Variants in CSF1 observed in about 807,000 individuals in gnomAD.
CSF1 encodes colony stimulating factor 1.
CSF1 carries 9 observed loss-of-function variants against 48.9 expected under a neutral mutation model. That is an observed-to-expected ratio of 0.18 (90% confidence interval 0.11 to 0.32). CSF1 has a LOEUF of 0.32. Ranked by LOEUF, CSF1 falls within the 10% of genes least tolerant of loss-of-function variation. The probability of loss-of-function intolerance (pLI) is 1.00; values close to 1 mark genes in which losing one functional copy is unlikely to be tolerated. For missense variants in CSF1, 672 were observed against 697.9 expected (o/e 0.96, Z 0.42); for synonymous variants, 305 against 284.1 (o/e 1.07, Z -0.74).
intron 5 of CSF1, among the ~76,000 whole-genome samples, chr1:109,922,929 G>A (rs1647630009): frequency 6.6e-6 from 1 of 152,136 alleles, no homozygotes; most frequent in East Asian, 1.9e-4. Context: ...CCCCCAGTGT[G>A]TGCATCTCAA....
chr1:109,914,047 G>A (rs1654793503), intron 1 of CSF1, among the ~76,000 whole-genome samples: 1 of 152,228 alleles, frequency 6.6e-6, no homozygotes, highest in Non-Finnish European at 1.5e-5. Context: ...TGTAGAAGGT[G>A]ACATCTGGGT....
intron 4 of CSF1, 59 bp from the exon 5 acceptor site, chr1:109,921,788 A>G: frequency 6.8e-7 from 1 of 1,471,300 alleles, no homozygotes; most frequent in Non-Finnish European, 9.0e-7. Flanking sequence ...TTGACAAATA[A>G]GATGGAGACA....
rs1654649821 is a variant in CSF1, at chr1:109,910,930, C to T, written c.-94C>T. 4 of 909,154 alleles carry T rather than the reference C, an allele frequency of 4.4e-6. No homozygotes were observed. The highest frequency in any genetic ancestry group is 4.5e-5 in the South Asian group (1 of 22,176). The allele number at this position is 909,154 out of a possible 1,614,324, so 56.3% of individuals were successfully genotyped here. A position where few individuals can be genotyped will look rare whatever the true frequency, so the allele number is the denominator to read the frequency against. On this transcript the variant is annotated 5_prime_UTR_variant, in exon 1 of 9. Coordinates refer to ENST00000329608, the MANE Select transcript of CSF1 (RefSeq NM_000757.6). ...CTCTCCGCATCCCAGGACAGCGGTG[C>T]GGCCCTCGGCCGGGGCGCCCACTCC...
At chr1:109,918,695 G>A (rs1485008795) in intron 4 of CSF1, among the ~76,000 whole-genome samples, 1 of 152,160 alleles carries the variant, frequency 6.6e-6, no homozygotes, top group Non-Finnish European at 1.5e-5. Context: ...TGATCCATGG[G>A]CAGAGCAGGT....
At chr1:109,925,068 C>CT (rs1647779280) in intron 7 of CSF1, 79 bp from the exon 8 acceptor site, 1 of 1,325,386 alleles carries the variant, frequency 7.5e-7, no homozygotes, top group Non-Finnish European at 1.1e-6. Context: ...ATGTCTGGGG[C>CT]TTAGGGGTAA....
intron 1 of CSF1, 110 bp downstream of exon 1, chr1:109,911,172 C>A: frequency 1.4e-6 from 1 of 691,804 alleles, no homozygotes; most frequent in Non-Finnish European, 1.8e-6. Flanking sequence ...GCCGGCTGCA[C>A]TGGCCCGGCG....
intron 4 of CSF1, among the ~76,000 whole-genome samples, chr1:109,917,814 A>C (rs1338459980): frequency 6.6e-6 from 1 of 152,252 alleles, no homozygotes; most frequent in Non-Finnish European, 1.5e-5. Flanking sequence ...GTTGTGTACC[A>C]GACACTGTTC....
intron 1 of CSF1, among the ~76,000 whole-genome samples, chr1:109,912,117 A>G (rs1654714904): frequency 1.3e-5 from 2 of 152,024 alleles, no homozygotes; most frequent in South Asian, 4.2e-4. Flanking sequence ...GAGAGAGGAG[A>G]TAGAGTTGAG....
chr1:109,917,352 C>T lies in CSF1; in HGVS notation c.285C>T (p.Asp95=), dbSNP rs1174417879. The T allele has an allele frequency of 7.4e-6, 12 of 1,614,208 alleles. No individual in the cohort carries two copies. The highest frequency in any genetic ancestry group is 9.3e-6 in the Non-Finnish European group (11 of 1,180,034). Residue 95 remains aspartate (D), a synonymous_variant, in exon 4 of 9, where the codon GAC becomes GAT. Coordinates refer to ENST00000329608, the MANE Select transcript of CSF1 (RefSeq NM_000757.6). ...AFLLVQDIME[D]TMRFRDNTPN... is the part of the protein sequence containing the mutation. ...TCCTGGTACAAGACATAATGGAGGA[C>T]ACCATGCGCTTCAGAGATAACACCC... is the stretch of plus-strand genomic sequence containing the variant.
upstream of CSF1, chr1:109,910,519 G>C: frequency 7.5e-6 from 3 of 397,650 alleles, no homozygotes; most frequent in Non-Finnish European, 1.6e-5. Flanking sequence ...TCAGCCTGGA[G>C]AGCGCGGAAG....
chr1:109,928,673 G>A (rs1448376009), intron 8 of CSF1, among the ~76,000 whole-genome samples, 179 bp from the exon 9 acceptor site: 1 of 152,104 alleles, frequency 6.6e-6, no homozygotes, highest in Admixed American at 6.5e-5. Context: ...CTGGGCTGGT[G>A]CCAGAGAAAG....
Position 109,910,892 on chromosome 1 carries a change from G to A in CSF1, c.-132G>A. On this transcript the variant is annotated 5_prime_UTR_variant, in exon 1 of 9. Coordinates refer to ENST00000329608, the MANE Select transcript of CSF1 (RefSeq NM_000757.6). Reference sequence around the variant, plus strand: ...AGTGAAAGTTTGCCTGGGTCCTCTCGGCGCCAGAGCCGCTCTCCGCATCCC... The same window carrying A: ...AGTGAAAGTTTGCCTGGGTCCTCTCAGCGCCAGAGCCGCTCTCCGCATCCC... 1.7e-6 allele frequency: 1 copy of A among 588,506 alleles called. No homozygotes were observed. The highest frequency in any genetic ancestry group is 6.4e-5 in the South Asian group (1 of 15,744). 36.5% of individuals were successfully genotyped at this position (588,506 alleles called of 1,614,324 possible). A position where few individuals can be genotyped will look rare whatever the true frequency, so the allele number is the denominator to read the frequency against.
At position 109,923,724 on chromosome 1, in the gene CSF1, C is replaced by G. The variant is rs1252820817; in HGVS notation, c.1103C>G (p.Pro368Arg). 1 of 1,612,242 alleles carries G rather than the reference C, an allele frequency of 6.2e-7. No homozygotes were observed. The highest frequency in any genetic ancestry group is 8.5e-7 in the Non-Finnish European group (1 of 1,178,990). Residue 368 changes from proline (P) to arginine (R), a missense_variant, in exon 6 of 9, where the codon CCC becomes CGC. By Grantham distance (103) the Pro-to-Arg change is moderately radical (BLOSUM62 -2). Transcript: ENST00000329608. ...GCAGATGTAACTGGTACCGCCTTGC[C>G]CAGGGTGGGCCCCGTGAGGCCCACT... ...QPADVTGTALPRVGPVRPTGQ... is the reference protein window; with the variant it reads ...QPADVTGTALRRVGPVRPTGQ...
At chr1:109,915,293 G>A (rs1327461219) in intron 2 of CSF1, among the ~76,000 whole-genome samples, 1 of 152,192 alleles carries the variant, frequency 6.6e-6, no homozygotes, top group Admixed American at 6.5e-5. Context: ...TCCAGCCTCT[G>A]CTTGAATTCC....
rs1647637050 is a variant in CSF1 at position 109,923,073 on chromosome 1, C to T, written c.545-93C>T. 5 of 1,277,610 alleles carry T rather than the reference C, an allele frequency of 3.9e-6. No individual in the cohort carries two copies. In the East Asian group the frequency reaches 9.7e-5, roughly 25 times the overall value. The allele number at this position is 1,277,610 out of a possible 1,614,324, so 79.1% of individuals were successfully genotyped here. ...ATGAGGGCCCCCCAGACTCACATTC[C>T]CCTCTTGCCCCGCTCTGGGAAAGCT... On this transcript the variant is annotated intron_variant, in intron 5 of 8. Transcript: ENST00000329608.
Position 109,923,418 on chromosome 1 carries a change from C to A in CSF1, c.797C>A (p.Thr266Asn), listed in dbSNP as rs1647660900. The change falls in exon 6 of 9, where the codon ACC becomes AAC. Residue 266 changes from threonine (T) to asparagine (N), a missense_variant. Physicochemically the swap from Thr to Asn is moderately conservative, Grantham distance 65 (BLOSUM62 0). Around this residue, in one of 3 missense-constraint regions of CSF1, gnomAD observed 591 missense variants for 593.6 expected, o/e 1.00. Transcript: ENST00000329608. ...TGCCAGAGCTTTGAGCCGCCAGAGA[C>A]CCCAGTTGTCAAGGACAGCACCATC... ...STCQSFEPPE[T>N]PVVKDSTIGG... is the part of the protein sequence containing the mutation. 6.2e-7 allele frequency: 1 copy of A among 1,613,952 alleles called. No homozygotes were observed.
intron 1 of CSF1, among the ~76,000 whole-genome samples, chr1:109,911,632 G>A (rs1654689723): frequency 2.0e-5 from 3 of 152,124 alleles, no homozygotes; most frequent in Admixed American, 2.0e-4. Flanking sequence ...GACTTGGGTG[G>A]CTGTTTGGGG....
intron 4 of CSF1, among the ~76,000 whole-genome samples, chr1:109,918,592 C>A (rs967692425): frequency 6.6e-6 from 1 of 152,012 alleles, no homozygotes. Flanking sequence ...AGACTTGGTA[C>A]GTGCAGTGGA....
At chr1:109,923,104 G>T in intron 5 of CSF1, 62 bp from the exon 6 acceptor site, 1 of 1,453,632 alleles carries the variant, frequency 6.9e-7, no homozygotes. Context: ...AAGCTGTGCT[G>T]GAGGCTAGTG....
Sources: gnomAD v4.1 joint callset for allele counts (sites outside exome capture counted in the v4.1 genomes callset) on GRCh38, gnomAD v4.1.1 for gene constraint, gnomAD v4.1.1 regional missense constraint, MANE v1.5 for transcripts, NCBI Gene and HGNC (gene_info 2026-07-23, HGNC 2026-07-21) for gene names.